Variants in CUX2 observed in about 807,000 individuals in gnomAD.
The protein encoded by CUX2 is cut like homeobox 2, also known as homeobox protein cut-like 2.
In CUX2, 40 loss-of-function variants were observed where a neutral mutation model predicts 144.8. The ratio of observed to expected loss-of-function variants is 0.28; its 90% CI spans 0.21 to 0.36. The LOEUF is 0.36. Ranked by LOEUF, CUX2 falls within the 10% of genes least tolerant of loss-of-function variation. The probability of loss-of-function intolerance (pLI) is 1.00; values close to 1 mark genes in which losing one functional copy is unlikely to be tolerated. For synonymous variants in CUX2, 827 were observed against 875.6 expected (o/e 0.94, Z 0.98); for missense variants, 1,615 against 1,994.0 (o/e 0.81, Z 3.62).
intron 1 of CUX2, among the ~76,000 whole-genome samples, chr12:111,105,090 C>T (rs545982836): frequency 6.6e-6 from 1 of 152,210 alleles, no homozygotes; most frequent in Admixed American, 6.5e-5. Flanking sequence ...CTGGGCTCAT[C>T]GCTATCCCCA....
rs560220597 is a variant in CUX2, at chr12:111,035,848, T to TG, written c.63+1612dup. Among the ~76,000 whole-genome samples, 384 of 152,124 alleles carry TG rather than the reference T, an allele frequency of 2.5e-3. 1 individual carries two copies. Among genetic ancestry groups the TG allele is most frequent in the African/African-American group, 8.8e-3 (366 of 41,498 alleles). On this transcript the variant is annotated intron_variant, in intron 1 of 21. Coordinates refer to ENST00000261726, the MANE Select transcript of CUX2 (RefSeq NM_015267.4). The surrounding 1 kb of genome is among the most constrained non-coding windows in gnomAD (Gnocchi z 6.0). ...TGCAATTCCGGGTCCGCACTCGAGT[T>TG]GGGGCTACAGTTTGGTGGCCAACTG...
chr12:111,227,949 T>A (rs988206341), intron 3 of CUX2, among the ~76,000 whole-genome samples: 2 of 152,122 alleles, frequency 1.3e-5, no homozygotes, highest in Non-Finnish European at 2.9e-5. Flanking sequence ...GAGAGACAGA[T>A]GGACCCACAC....
intron 1 of CUX2, among the ~76,000 whole-genome samples, chr12:111,092,832 T>TA (rs1872622156): frequency 2.1e-5 from 3 of 141,298 alleles, no homozygotes; most frequent in South Asian, 4.4e-4. Context: ...TTTTTTTTTT[T>TA]AAGAAAAGTT....
chr12:111,200,825 T>A (rs563690870), intron 1 of CUX2, among the ~76,000 whole-genome samples: 3 of 152,326 alleles, frequency 2.0e-5, no homozygotes, highest in African/African-American at 7.2e-5. Flanking sequence ...ATTTTCTCTT[T>A]ATGAATGCTT....
intron 19 of CUX2, 71 bp from the exon 20 acceptor site, chr12:111,338,215 C>T: frequency 2.7e-6 from 4 of 1,477,940 alleles, no homozygotes; most frequent in Non-Finnish European, 2.7e-6. Flanking sequence ...TGGCCTATTC[C>T]ATGTCTCTCC....
chr12:111,341,181 C>G (rs1298660923), intron 20 of CUX2, among the ~76,000 whole-genome samples: 1 of 152,184 alleles, frequency 6.6e-6, no homozygotes, highest in African/African-American at 2.4e-5. Context: ...GTAGTCCCAC[C>G]TACTCAGGAG....
intron 1 of CUX2, among the ~76,000 whole-genome samples, chr12:111,208,851 C>G (rs889524669): frequency 1.3e-5 from 2 of 152,168 alleles, no homozygotes; most frequent in Non-Finnish European, 2.9e-5. Flanking sequence ...CCTTTTATAA[C>G]AAACACAGGC....
At chr12:111,155,834 T>C (rs1225319308) in intron 1 of CUX2, among the ~76,000 whole-genome samples, 1 of 152,120 alleles carries the variant, frequency 6.6e-6, no homozygotes, top group Non-Finnish European at 1.5e-5. Context: ...TTCTCTAATA[T>C]GATATAAAAG....
At position 111,322,344 on chromosome 12, in the gene CUX2, A is replaced by C. The variant is rs1887577788; in HGVS notation, c.2767-77A>C. 9.5e-7 allele frequency: 1 copy of C among 1,050,846 alleles called. No individual in the cohort carries two copies. The highest frequency in any genetic ancestry group is 1.3e-6 in the Non-Finnish European group (1 of 780,108). 65.1% of individuals were successfully genotyped at this position (1,050,846 alleles called of 1,614,324 possible). ...CTCAAAAAAAAAAAAAAAAAAAAAA[A>C]GGTTGGGGAGGAGAGTGAGGGCCAG... On this transcript the variant is annotated intron_variant, in intron 17 of 21. Coordinates refer to ENST00000261726, the MANE Select transcript of CUX2 (RefSeq NM_015267.4). The surrounding 1 kb of genome is among the most constrained non-coding windows in gnomAD (Gnocchi z 4.2).
Position 111,349,697 on chromosome 12 carries a change from T to A in CUX2, c.*1372T>A, listed in dbSNP as rs1001686983. The stretch of plus-strand genomic sequence containing the variant: ...AGCGTCTTTGGCATGGTTTCTAGGG[T>A]GAGAGTTCCCAATTTGGATAGAACG... On this transcript the variant is annotated 3_prime_UTR_variant, in exon 22 of 22. Coordinates refer to ENST00000261726, the MANE Select transcript of CUX2 (RefSeq NM_015267.4). The A allele has an allele frequency of 6.6e-6, 1 of 152,086 alleles. No homozygotes were observed. Among genetic ancestry groups the A allele is most frequent in the Non-Finnish European group, 1.5e-5 (1 of 68,004 alleles). 9.4% of individuals were successfully genotyped at this position (152,086 alleles called of 1,614,324 possible). A position where few individuals can be genotyped will look rare whatever the true frequency, so the allele number is the denominator to read the frequency against.
intron 1 of CUX2, among the ~76,000 whole-genome samples, chr12:111,109,563 A>G (rs1873811940): frequency 1.3e-5 from 2 of 152,102 alleles, no homozygotes; most frequent in Non-Finnish European, 2.9e-5. Flanking sequence ...AGCTCATTCC[A>G]TATGTTTCCC....
intron 1 of CUX2, among the ~76,000 whole-genome samples, chr12:111,093,179 G>A (rs916331311): frequency 1.6e-4 from 25 of 152,190 alleles, no homozygotes; most frequent in African/African-American, 4.8e-4. Context: ...GAGCTGAGAT[G>A]CAAATGCAGG....
intron 12 of CUX2, 103 bp from the exon 13 acceptor site, chr12:111,308,182 G>A: frequency 8.1e-7 from 1 of 1,230,260 alleles, no homozygotes; most frequent in Non-Finnish European, 1.2e-6. Flanking sequence ...GGGGAATGGA[G>A]CAGTCATTGT....
intron 1 of CUX2, among the ~76,000 whole-genome samples, chr12:111,097,452 CT>C (rs1455479660): frequency 6.6e-6 from 1 of 152,200 alleles, no homozygotes; most frequent in Admixed American, 6.5e-5. Context: ...CAGGGTCTTT[CT>C]TTTTGGCTTT....
chr12:111,304,361 T>G lies in CUX2; in HGVS notation c.858+47T>G. The G allele has an allele frequency of 1.3e-6, 2 of 1,501,958 alleles. No homozygotes were observed. The highest frequency in any genetic ancestry group is 1.8e-6 in the Non-Finnish European group (2 of 1,087,844). The allele number at this position is 1,501,958 out of a possible 1,614,324, so 93.0% of individuals were successfully genotyped here. On this transcript the variant is annotated intron_variant, in intron 10 of 21. Transcript: ENST00000261726. This position sits in a 1 kb window ranked among gnomAD's most constrained non-coding sequence, Gnocchi z 4.7. ...TGAGCAGGGAGGGCAGAGGGAAAGA[T>G]CGGGAATGGCTGAGTTTGCAGGTTT...
chr12:111,043,024 A>G (rs1320831686), intron 1 of CUX2, among the ~76,000 whole-genome samples: 2 of 152,222 alleles, frequency 1.3e-5, no homozygotes, highest in Non-Finnish European at 2.9e-5. Context: ...AAAGTGAATA[A>G]TAATTGCTGT....
chr12:111,275,482 C>T (rs1008927975), intron 4 of CUX2, among the ~76,000 whole-genome samples: 6 of 152,166 alleles, frequency 3.9e-5, no homozygotes, highest in South Asian at 2.1e-4. Flanking sequence ...TCTGGGCAGC[C>T]GCATGTGTCG....
intron 18 of CUX2, among the ~76,000 whole-genome samples, chr12:111,323,014 C>T (rs1224828887): frequency 2.0e-5 from 3 of 152,222 alleles, no homozygotes; most frequent in African/African-American, 2.4e-5. Flanking sequence ...CATGATAGCA[C>T]GAGCAGGCTG....
chr12:111,326,995 C>T (rs1272821386), intron 18 of CUX2, among the ~76,000 whole-genome samples: 1 of 152,162 alleles, frequency 6.6e-6, no homozygotes, highest in Non-Finnish European at 1.5e-5. Context: ...CTAATACATG[C>T]ACAATGCGTG....
Sources: gnomAD v4.1 joint callset for allele counts (sites outside exome capture counted in the v4.1 genomes callset) on GRCh38, gnomAD v4.1.1 for gene constraint, Gnocchi (gnomAD v3.1) non-coding constraint, MANE v1.5 for transcripts, NCBI Gene and HGNC (gene_info 2026-07-23, HGNC 2026-07-21) for gene names.